Variants in MROH1 observed in about 807,000 individuals in gnomAD.
MROH1 encodes maestro heat-like repeat-containing protein family member 1.
A neutral mutation model predicts 116.5 loss-of-function variants in MROH1; 117 were observed. That is an observed-to-expected ratio of 1.00 (90% CI 0.86 to 1.17). MROH1 has a LOEUF of 1.17. MROH1 is among the 50% of genes most tolerant of loss of function. The pLI is 0.00. For missense variants in MROH1, 1,873 were observed against 1,338.5 expected, an observed-to-expected ratio of 1.40 and a Z score of -6.23; for synonymous variants, 921 against 583.9, an observed-to-expected ratio of 1.58 and a Z score of -8.32.
rs1588458052 is a variant in MROH1 at position 144,245,397 on chromosome 8, G to A, written c.2871+137G>A. 3 of 653,346 alleles carry A rather than the reference G, an allele frequency of 4.6e-6. No homozygotes were observed. In the East Asian group the frequency reaches 8.1e-5, roughly 18 times the overall value. 40.5% of individuals were successfully genotyped at this position (653,346 alleles called of 1,614,324 possible). A position where few individuals can be genotyped will look rare whatever the true frequency, so the allele number is the denominator to read the frequency against. ...CTCTTCCTTGAGACCTGGATTGAGG[G>A]CCTGTCAGGGCCAGGAGTTGTCAGG... On this transcript the variant is annotated intron_variant, in intron 29 of 43. Coordinates refer to ENST00000326134, the MANE Select transcript of MROH1 (RefSeq NM_032450.3).
intron 1 of MROH1, among the ~76,000 whole-genome samples, chr8:144,155,727 G>A (rs1312363873): frequency 1.3e-5 from 2 of 149,264 alleles, no homozygotes; most frequent in African/African-American, 5.0e-5. Flanking sequence ...CCTGCTTCCT[G>A]GGTTCAAGTG....
intron 31 of MROH1, among the ~76,000 whole-genome samples, chr8:144,248,304 G>T (rs1387237247): frequency 2.0e-5 from 3 of 152,090 alleles, no homozygotes; most frequent in African/African-American, 7.2e-5. Context: ...GCATTACGGG[G>T]GGGAAAAAAA....
intron 1 of MROH1, among the ~76,000 whole-genome samples, chr8:144,153,265 C>T (rs890651989): frequency 3.3e-5 from 5 of 151,594 alleles, no homozygotes; most frequent in Admixed American, 1.3e-4. Flanking sequence ...GGCTCGATCT[C>T]GGCTCACTGC....
chr8:144,251,988 C>T (rs994221540), intron 33 of MROH1: 1 of 206,558 alleles, frequency 4.8e-6, no homozygotes, highest in Non-Finnish European at 9.4e-6. Flanking sequence ...CTCTGCCGGG[C>T]AGTGCCGGGT....
At chr8:144,218,664 CCCTCCCG>C (rs1835823647) in intron 12 of MROH1, among the ~76,000 whole-genome samples, 3 of 115,252 alleles carry the variant, frequency 2.6e-5, no homozygotes, top group Non-Finnish European at 3.7e-5. Flanking sequence ...CCCTCCTCTC[CCCTCCCG>C]TCCCCTCTCC....
At chr8:144,247,066 G>T (rs1211400010) in intron 29 of MROH1, among the ~76,000 whole-genome samples, 1 of 152,234 alleles carries the variant, frequency 6.6e-6, no homozygotes, top group African/African-American at 2.4e-5. Flanking sequence ...CTGGGAGCCT[G>T]TGTGGCCCTG....
At chr8:144,258,300 ACTTGC>A (rs1844299166) in intron 35 of MROH1, among the ~76,000 whole-genome samples, 1 of 152,110 alleles carries the variant, frequency 6.6e-6, no homozygotes, top group African/African-American at 2.4e-5. Flanking sequence ...CCTCCCGCTC[ACTTGC>A]CAGCCAGCCT....
Position 144,254,978 on chromosome 8 carries a change from G to A in MROH1, c.3594G>A (p.Ser1198=), listed in dbSNP as rs948087864. Residue 1198 remains serine, a splice_region_variant and synonymous_variant, in exon 34 of 44, where the codon TCG becomes TCA. Coordinates refer to ENST00000326134, the MANE Select transcript of MROH1 (RefSeq NM_032450.3). Reference sequence around the variant, plus strand: ...GCGTGGCCACGCTGCTGCCTCTCTCGGTGAGTCGGGCTCTCGGGGCCACCT... The same window carrying A: ...GCGTGGCCACGCTGCTGCCTCTCTCAGTGAGTCGGGCTCTCGGGGCCACCT... The part of the protein sequence containing the change: ...PDRVATLLPL[S]ATCALFEVMS... 29 of 759,762 alleles carry A rather than the reference G, an allele frequency of 3.8e-5. No individual in the cohort carries two copies. Among genetic ancestry groups the A allele is most frequent in the South Asian group, 1.1e-4 (8 of 71,758 alleles). The allele number at this position is 759,762 out of a possible 1,614,324, so 47.1% of individuals were successfully genotyped here.
chr8:144,255,000 A>C (rs1214268309), intron 34 of MROH1, 22 bp downstream of exon 34: 1 of 736,824 alleles, frequency 1.4e-6, no homozygotes, highest in African/African-American at 1.7e-5. Flanking sequence ...TCTCGGGGCC[A>C]CCTTGACACG....
intron 14 of MROH1, among the ~76,000 whole-genome samples, chr8:144,232,798 A>ATTTATTTATTTG (rs2132664055): frequency 9.6e-6 from 1 of 103,744 alleles, no homozygotes; most frequent in Admixed American, 8.6e-5. Context: ...TGGCCTATTT[A>ATTTATTTATTTG]TTTATTTATT....
At chr8:144,164,093 C>CTTT (rs776748346) in intron 3 of MROH1, among the ~76,000 whole-genome samples, 7 of 135,250 alleles carry the variant, frequency 5.2e-5, no homozygotes, top group Non-Finnish European at 6.4e-5. Context: ...GTTTGTTTTA[C>CTTT]TTTTTTTTTT....
chr8:144,157,680 T>TC (rs1188600031), intron 1 of MROH1, among the ~76,000 whole-genome samples: 7 of 145,990 alleles, frequency 4.8e-5, no homozygotes, highest in South Asian at 2.1e-4. Flanking sequence ...TTTCTTTCTT[T>TC]TTTTTTTTTT....
At chr8:144,195,205 A>AAAAAAAAAAAAAAAAAAAG (rs1829558517) in intron 10 of MROH1, among the ~76,000 whole-genome samples, 1 of 133,622 alleles carries the variant, frequency 7.5e-6, no homozygotes, top group Non-Finnish European at 1.6e-5. Context: ...TAAAAAAAAA[A>AAAAAAAAAAAAAAAAAAAG]AAAAAAAAAA....
intron 12 of MROH1, among the ~76,000 whole-genome samples, chr8:144,218,693 T>TCC (rs1835875181): frequency 6.3e-5 from 1 of 15,886 alleles, no homozygotes; most frequent in Non-Finnish European, 1.1e-4. Flanking sequence ...CTCCCCTCTC[T>TCC]CCTCCCCTCT....
At chr8:144,257,663 C>CGGGGCCACTTGTTCCCTGCT (rs1277910057) in intron 35 of MROH1, among the ~76,000 whole-genome samples, 1 of 152,210 alleles carries the variant, frequency 6.6e-6, no homozygotes, top group African/African-American at 2.4e-5. Flanking sequence ...CCCAGCTTGG[C>CGGGGCCACTTGTTCCCTGCT]GGGGCCACTT....
chr8:144,191,696 G>A lies in MROH1; in HGVS notation c.715-19G>A, dbSNP rs769227541. 7.8e-5 allele frequency: 125 copies of A among 1,610,826 alleles called. 1 individual carries two copies. The South Asian group carries it at 1.1e-3, about 15-fold the overall frequency. ...GTTGACTGAGCAGCGTAAGCTTCCC[G>A]CCCACTGTCCCCTCTCAGCTCCGTC... On this transcript the variant is annotated intron_variant, in intron 8 of 43. Coordinates refer to ENST00000326134, the MANE Select transcript of MROH1 (RefSeq NM_032450.3).
At chr8:144,206,411 G>A (rs926393171) in intron 12 of MROH1, among the ~76,000 whole-genome samples, 3 of 151,490 alleles carry the variant, frequency 2.0e-5, no homozygotes, top group Non-Finnish European at 4.4e-5. Flanking sequence ...ACAGACACTT[G>A]GGTTGTTCAT....
chr8:144,230,953 C>T (rs1260445704), intron 14 of MROH1, among the ~76,000 whole-genome samples: 9 of 141,110 alleles, frequency 6.4e-5, no homozygotes, highest in Non-Finnish European at 1.2e-4. Context: ...GAGGACCCTG[C>T]GGCCTTCCGC....
Position 144,245,225 on chromosome 8 carries a change from C to T in MROH1, c.2836C>T (p.Leu946=). Residue 946 remains leucine (L), a synonymous_variant, in exon 29 of 44, where the codon CTG becomes TTG. Transcript: ENST00000326134. ...GCGGGCCCTGGGCCTGAGCGCCCTC[C>T]TGCTGCGCTACTTCCTGGAGCACCT... The part of the protein sequence containing the change: ...RARALGLSAL[L]LRYFLEHLRV... 1.3e-6 allele frequency: 1 copy of T among 779,082 alleles called. No homozygotes were observed. The highest frequency in any genetic ancestry group is 2.4e-5 in the East Asian group (1 of 41,258). The allele number at this position is 779,082 out of a possible 1,614,324, so 48.3% of individuals were successfully genotyped here.
Sources: gnomAD v4.1 joint callset for allele counts (sites outside exome capture counted in the v4.1 genomes callset) on GRCh38, gnomAD v4.1.1 for gene constraint, MANE v1.5 for transcripts, NCBI Gene and HGNC (gene_info 2026-07-23, HGNC 2026-07-21) for gene names.